The following ZNF438 variants were observed in gnomAD, a reference collection of about 807,000 sequenced individuals.
ZNF438 encodes the protein zinc finger protein 438.
In ZNF438, 25 loss-of-function variants were observed where a neutral mutation model predicts 38.0. That is an observed-to-expected ratio of 0.66 (90% CI 0.48 to 0.92). The LOEUF is 0.92. ZNF438 is among the 40% of genes least tolerant of loss of function. The pLI, the probability that ZNF438 is intolerant of heterozygous loss-of-function variation, is 0.00. For missense variants in ZNF438, 1,007 were observed against 999.6 expected, an observed-to-expected ratio of 1.01 and a Z score of -0.10; for synonymous variants, 372 against 364.1, an observed-to-expected ratio of 1.02 and a Z score of -0.25.
chr10:31,024,497 G>A (rs74528473), intron 1 of ZNF438, among the ~76,000 whole-genome samples: 161 of 152,246 alleles, frequency 1.1e-3, no homozygotes, highest in African/African-American at 2.4e-3. Context: ...GCTTGGTGGC[G>A]GGTGCCTGCA....
chr10:31,017,790 A>T (rs1475455133), intron 1 of ZNF438, among the ~76,000 whole-genome samples: 1 of 152,186 alleles, frequency 6.6e-6, no homozygotes, highest in African/African-American at 2.4e-5. Flanking sequence ...TTTCAGGCTT[A>T]GCCATTTGAC....
chr10:30,996,246 A>G (rs1564818540), intron 1 of ZNF438, among the ~76,000 whole-genome samples: 1 of 152,164 alleles, frequency 6.6e-6, no homozygotes, highest in African/African-American at 2.4e-5. Context: ...AAATCCAACT[A>G]TATCAGTAAT....
At chr10:31,007,425 G>A (rs548893960) in intron 1 of ZNF438, among the ~76,000 whole-genome samples, 48 of 152,030 alleles carry the variant, frequency 3.2e-4, no homozygotes, top group Middle Eastern at 3.4e-3. Context: ...GGGATTACAG[G>A]TGCACGCCAC....
rs200603286 is a variant in ZNF438 at position 30,849,818 on chromosome 10, T to C, written c.587A>G (p.Asn196Ser). Residue 196 changes from asparagine to serine, a missense_variant, in exon 5 of 6, where the codon AAT becomes AGT. Asn to Ser is a conservative substitution (Grantham distance 46). Coordinates refer to ENST00000413025, the Ensembl canonical transcript of ZNF438. The stretch of plus-strand genomic sequence containing the variant: ...TCTCAAGTCCCCATGGTCACTTCCA[T>C]TGGTCAGCGCAGCTGTGCTAATGCT... 2.3e-5 allele frequency: 37 copies of C among 1,614,142 alleles called. No homozygotes were observed. The highest frequency in any genetic ancestry group is 3.3e-4 in the Middle Eastern group (2 of 6,062).
At chr10:30,904,862 G>C (rs1489329521) in intron 3 of ZNF438, among the ~76,000 whole-genome samples, 3 of 152,126 alleles carry the variant, frequency 2.0e-5, no homozygotes, top group Non-Finnish European at 2.9e-5. Flanking sequence ...ACCTCCTTAA[G>C]AGAACTGTCC....
chr10:30,962,837 T>C lies in ZNF438; in HGVS notation c.-191-21186A>G, dbSNP rs1056800229. The stretch of plus-strand genomic sequence containing the variant: ...CTAAAATATAAAATAAAAATTAAAG[T>C]GAGCAGACTGTCTCAAGATTCCATC... On this transcript the variant is annotated intron_variant, in intron 1 of 5. Transcript: ENST00000413025. 2.0e-5 allele frequency among the ~76,000 whole-genome samples: 3 copies of C among 152,216 alleles called. 1 individual carries two copies. Among genetic ancestry groups the C allele is most frequent in the African/African-American group, 7.2e-5 (3 of 41,560 alleles).
intron 3 of ZNF438, among the ~76,000 whole-genome samples, chr10:30,879,387 A>G (rs1031140285): frequency 1.3e-5 from 2 of 152,240 alleles, no homozygotes; most frequent in African/African-American, 4.8e-5. Context: ...ACCAGAAAAA[A>G]TCACAAAATA....
intron 1 of ZNF438, among the ~76,000 whole-genome samples, chr10:31,019,704 C>T (rs998061798): frequency 1.3e-5 from 2 of 152,206 alleles, no homozygotes; most frequent in Non-Finnish European, 2.9e-5. Flanking sequence ...GGATGCCCCA[C>T]TGAATCTTAA....
At chr10:30,894,200 C>G (rs2041050692) in intron 3 of ZNF438, among the ~76,000 whole-genome samples, 1 of 152,158 alleles carries the variant, frequency 6.6e-6, no homozygotes, top group Non-Finnish European at 1.5e-5. Flanking sequence ...GTAGAATAAC[C>G]ATTACTATTT....
At chr10:30,947,046 C>A (rs1299011133) in intron 1 of ZNF438, among the ~76,000 whole-genome samples, 1 of 152,172 alleles carries the variant, frequency 6.6e-6, no homozygotes, top group Non-Finnish European at 1.5e-5. Context: ...TCATCATAAT[C>A]TAACTACTGT....
At position 30,930,664 on chromosome 10, in the gene ZNF438, G is replaced by A. The variant is rs368702087; in HGVS notation, c.-115+10911C>T. 4.2e-4 allele frequency among the ~76,000 whole-genome samples: 64 copies of A among 151,476 alleles called. 1 individual carries two copies. The South Asian group carries it at 9.9e-3, about 23-fold the overall frequency. Reference sequence around the variant, plus strand: ...ATACACACACACACAAAAATTAGCCGGCCATGGTGGTGAGTGCCTGTAGTC... The same window carrying A: ...ATACACACACACACAAAAATTAGCCAGCCATGGTGGTGAGTGCCTGTAGTC... On this transcript the variant is annotated intron_variant, in intron 2 of 5. Coordinates refer to ENST00000413025, the Ensembl canonical transcript of ZNF438.
intron 4 of ZNF438, 71 bp downstream of exon 5, chr10:30,876,927 C>T: frequency 1.7e-6 from 2 of 1,191,376 alleles, no homozygotes; most frequent in Non-Finnish European, 2.4e-6. Flanking sequence ...GATTAGAGGT[C>T]AATGACATTC....
At chr10:30,848,881 T>C (rs1439044185) in exon 5 of ZNF438, 6 of 1,614,098 alleles carry the variant, frequency 3.7e-6, no homozygotes, top group African/African-American at 1.3e-5. Context: ...AGACGTGACA[T>C]CTGTGCCAAG....
chr10:30,905,354 T>C (rs965268385), intron 3 of ZNF438, among the ~76,000 whole-genome samples: 7 of 152,242 alleles, frequency 4.6e-5, no homozygotes, highest in African/African-American at 7.2e-5. Flanking sequence ...TATTCCCTAA[T>C]GACTAACGAC....
chr10:30,845,258 GAGCTGCCTTTTC>G, exon 6 of ZNF438: 1 of 1,614,106 alleles, frequency 6.2e-7, no homozygotes, highest in Non-Finnish European at 8.5e-7. Context: ...GATGAAGGTG[GAGCTGCCTTTTC>G]AGTCTTGGAC....
chr10:31,029,543 G>A (rs1453247172), intron 1 of ZNF438, among the ~76,000 whole-genome samples: 4 of 152,000 alleles, frequency 2.6e-5, no homozygotes, highest in African/African-American at 7.2e-5. Flanking sequence ...CAATTCTACC[G>A]CCTACCATCA....
At chr10:30,963,392 CAAAAAAAA>C (rs753557823) in intron 1 of ZNF438, among the ~76,000 whole-genome samples, 38 of 86,054 alleles carry the variant, frequency 4.4e-4, no homozygotes, top group Non-Finnish European at 7.1e-4. Flanking sequence ...AACTCCATCT[CAAAAAAAA>C]AAAAAAAAAA....
chr10:30,999,079 C>T (rs1278378475), intron 1 of ZNF438, among the ~76,000 whole-genome samples: 2 of 151,994 alleles, frequency 1.3e-5, no homozygotes, highest in East Asian at 3.9e-4. Context: ...GTGCTCTTAT[C>T]CAAGCGGTTC....
At chr10:30,873,257 A>G (rs536670417) in intron 4 of ZNF438, among the ~76,000 whole-genome samples, 1 of 152,354 alleles carries the variant, frequency 6.6e-6, no homozygotes, top group East Asian at 1.9e-4. Flanking sequence ...GAACATCTCA[A>G]AATTCTATAA....
Sources: gnomAD v4.1 joint callset for allele counts (sites outside exome capture counted in the v4.1 genomes callset) on GRCh38, gnomAD v4.1.1 for gene constraint, MANE v1.5 for transcripts, NCBI Gene and HGNC (gene_info 2026-07-23, HGNC 2026-07-21) for gene names.